Variants in EYS observed in about 807,000 individuals in gnomAD.
EYS encodes the protein protein eyes shut homolog.
In EYS, 250 loss-of-function variants were observed where a neutral mutation model predicts 282.1. The ratio of observed to expected loss-of-function variants is 0.89; its 90% confidence interval spans 0.80 to 0.98. The LOEUF (loss-of-function observed/expected upper bound fraction) is 0.98, where lower values mean the gene tolerates loss of function less well. Among genes scored for constraint, EYS ranks in the 50% least tolerant of loss-of-function variants. EYS has a pLI of 0.00. For missense variants in EYS, 4,016 were observed against 3,709.0 expected (o/e 1.08, Z -2.15); for synonymous variants, 1,355 against 1,282.9 (o/e 1.06, Z -1.20).
chr6:65,479,305 T>C (rs1185577461), intron 5 of EYS, among the ~76,000 whole-genome samples: 1 of 152,236 alleles, frequency 6.6e-6, no homozygotes, highest in African/African-American at 2.4e-5. Flanking sequence ...ATTAAAGTTC[T>C]GGTAGAATTT....
chr6:64,632,052 G>A (rs1582975255), intron 22 of EYS, among the ~76,000 whole-genome samples: 1 of 109,882 alleles, frequency 9.1e-6, no homozygotes, highest in Non-Finnish European at 2.0e-5. Flanking sequence ...TAATTGTCAA[G>A]GAAGGAACGA....
intron 29 of EYS, among the ~76,000 whole-genome samples, chr6:64,331,816 CTT>C (rs1770657551): frequency 6.6e-6 from 1 of 152,180 alleles, no homozygotes; most frequent in Admixed American, 6.5e-5. Flanking sequence ...TGAAAACCTG[CTT>C]GTGGACTTTA....
intron 12 of EYS, among the ~76,000 whole-genome samples, chr6:65,255,508 A>C (rs1767436572): frequency 6.6e-6 from 1 of 152,090 alleles, no homozygotes. Flanking sequence ...AAAATGTAAA[A>C]GTGGGATAAT....
At chr6:65,575,921 A>G (rs1195413588) in intron 2 of EYS, among the ~76,000 whole-genome samples, 2 of 152,102 alleles carry the variant, frequency 1.3e-5, no homozygotes, top group Non-Finnish European at 2.9e-5. Context: ...CAAAACAACA[A>G]CAAGTAAAGA....
At chr6:64,945,710 G>T in intron 15 of EYS, 83 bp downstream of exon 15, 3 of 1,235,122 alleles carry the variant, frequency 2.4e-6, no homozygotes, top group Non-Finnish European at 3.3e-6. Context: ...TGTATCTAAA[G>T]TGAAAATAAT....
At chr6:65,640,877 C>T (rs1300707945) in intron 1 of EYS, among the ~76,000 whole-genome samples, 1 of 152,006 alleles carries the variant, frequency 6.6e-6, no homozygotes, top group East Asian at 1.9e-4. Context: ...GAAAAATTAT[C>T]AGCCACAATT....
chr6:65,669,059 G>C (rs761262715), intron 1 of EYS, among the ~76,000 whole-genome samples: 1 of 151,916 alleles, frequency 6.6e-6, no homozygotes, highest in Admixed American at 6.6e-5. Context: ...GTTTATTTAA[G>C]TATATATGGT....
intron 13 of EYS, among the ~76,000 whole-genome samples, chr6:65,017,938 T>G (rs1009619782): frequency 6.6e-6 from 1 of 152,172 alleles, no homozygotes; most frequent in Non-Finnish European, 1.5e-5. Context: ...ATCTCAAGCC[T>G]CTGTTGAAAC....
intron 12 of EYS, among the ~76,000 whole-genome samples, chr6:65,122,180 C>G (rs1775574401): frequency 6.6e-6 from 1 of 151,978 alleles, no homozygotes; most frequent in Admixed American, 6.6e-5. Flanking sequence ...ACAAGTAAAA[C>G]ATTAAATAAA....
chr6:63,940,148 G>A (rs1311742363), intron 35 of EYS, among the ~76,000 whole-genome samples: 2 of 152,032 alleles, frequency 1.3e-5, no homozygotes, highest in Non-Finnish European at 2.9e-5. Flanking sequence ...TAATGTTATG[G>A]GACCCATATG....
At chr6:65,694,002 G>A (rs1051575132) in intron 1 of EYS, among the ~76,000 whole-genome samples, 4 of 150,356 alleles carry the variant, frequency 2.7e-5, no homozygotes, top group Non-Finnish European at 1.5e-5. Context: ...CCACAAGGAG[G>A]ATGAAGAAAG....
chr6:64,454,918 A>C (rs190718356), intron 26 of EYS, among the ~76,000 whole-genome samples: 195 of 152,282 alleles, frequency 1.3e-3, no homozygotes, highest in African/African-American at 4.5e-3. Context: ...CTTCATAAAG[A>C]GCATGTGCTT....
chr6:64,672,081 T>C (rs998491444), intron 22 of EYS, among the ~76,000 whole-genome samples: 3 of 152,178 alleles, frequency 2.0e-5, no homozygotes, highest in African/African-American at 7.2e-5. Flanking sequence ...TAGATACCTT[T>C]AAAGGAAAGT....
intron 24 of EYS, among the ~76,000 whole-genome samples, chr6:64,603,122 T>C (rs1766813895): frequency 6.6e-6 from 1 of 152,066 alleles, no homozygotes. Context: ...AACACTGCCC[T>C]ACCTGGTAGC....
intron 12 of EYS, among the ~76,000 whole-genome samples, chr6:65,080,904 C>A (rs1345881964): frequency 6.6e-6 from 1 of 151,978 alleles, no homozygotes; most frequent in Non-Finnish European, 1.5e-5. Context: ...ATTTGATGAA[C>A]AACCTGGTAT....
At chr6:64,082,354 G>C (rs1772002338) in intron 31 of EYS, among the ~76,000 whole-genome samples, 1 of 152,038 alleles carries the variant, frequency 6.6e-6, no homozygotes, top group African/African-American at 2.4e-5. Flanking sequence ...TGATGTGAAG[G>C]TTGTATTGTT....
intron 29 of EYS, among the ~76,000 whole-genome samples, chr6:64,378,947 ATGCC>A: frequency 6.6e-6 from 1 of 152,166 alleles, no homozygotes; most frequent in Non-Finnish European, 1.5e-5. Context: ...TTGTCATATC[ATGCC>A]CTGTAACTAG....
chr6:64,331,766 C>T (rs543270141), intron 29 of EYS, among the ~76,000 whole-genome samples: 1 of 152,230 alleles, frequency 6.6e-6, no homozygotes, highest in African/African-American at 2.4e-5. Flanking sequence ...CAGGGGCCAA[C>T]ATGGCCCCCA....
chr6:64,747,321 AC>A (rs1772590914), intron 22 of EYS, among the ~76,000 whole-genome samples: 1 of 152,016 alleles, frequency 6.6e-6, no homozygotes, highest in Non-Finnish European at 1.5e-5. Context: ...CTTTCTGGTA[AC>A]CCTTATGTTG....
Sources: gnomAD v4.1 joint callset for allele counts (sites outside exome capture counted in the v4.1 genomes callset) on GRCh38, gnomAD v4.1.1 for gene constraint, MANE v1.5 for transcripts, NCBI Gene and HGNC (gene_info 2026-07-23, HGNC 2026-07-21) for gene names.